Variants in TMPRSS15 observed in about 807,000 individuals in gnomAD.
TMPRSS15 encodes the protein enteropeptidase.
Under a neutral mutation model 125.3 loss-of-function variants are expected in TMPRSS15, and 128 were observed. The observed-to-expected ratio is 1.02, with a 90% CI of 0.89 to 1.18. TMPRSS15 has a LOEUF of 1.18. TMPRSS15 is among the 50% of genes most tolerant of loss of function. TMPRSS15 has a pLI of 0.00. For missense variants in TMPRSS15, 1,283 were observed against 1,212.7 expected, an observed-to-expected ratio of 1.06 and a Z score of -0.86; for synonymous variants, 446 against 423.2, an observed-to-expected ratio of 1.05 and a Z score of -0.66.
rs376135762 is a variant in TMPRSS15 at position 18,370,597 on chromosome 21, CTTAG to C, written c.664+1592_664+1595del. 2.9e-3 allele frequency among the ~76,000 whole-genome samples: 444 copies of C among 152,224 alleles called. 6 individuals carry two copies. Among genetic ancestry groups the C allele is most frequent in the South Asian group, 0.015 (74 of 4,828 alleles). On this transcript the variant is annotated intron_variant, in intron 6 of 24. Coordinates refer to ENST00000284885, the MANE Select transcript of TMPRSS15 (RefSeq NM_002772.3). The stretch of plus-strand genomic sequence containing the variant: ...CATTGCTTTCTTCTTCTTTGAGTAA[CTTAG>C]TTATATAAAATAGATTAAAAATATT...
chr21:18,441,347 C>A (rs527648439), intron 1 of TMPRSS15, among the ~76,000 whole-genome samples: 2 of 151,852 alleles, frequency 1.3e-5, no homozygotes, highest in Non-Finnish European at 2.9e-5. Context: ...TGGCTCACAC[C>A]TGTAATCCCA....
intron 5 of TMPRSS15, among the ~76,000 whole-genome samples, chr21:18,373,563 T>C (rs570742837): frequency 6.6e-6 from 1 of 152,348 alleles, no homozygotes; most frequent in South Asian, 2.1e-4. Flanking sequence ...ACATATTTCA[T>C]AGAATCTCAT....
rs747220581 is a variant in TMPRSS15 at position 18,353,847 on chromosome 21, A to C, written c.897T>G (p.Thr299=). ...AAAAAATTCTTATTGTGCCAGGATT[A>C]GTTTCCCAAATAGAAGCTACAAAAT... ...SKILRASIWE[T]NPGTIRIFSN... is the part of the protein sequence containing the mutation. The change falls in exon 9 of 25, where the codon ACT becomes ACG. Residue 299 remains threonine, a synonymous_variant. Transcript: ENST00000284885. The C allele has an allele frequency of 6.2e-7, 1 of 1,611,186 alleles. No homozygotes were observed. The highest frequency in any genetic ancestry group is 1.1e-5 in the South Asian group (1 of 91,036).
intron 10 of TMPRSS15, among the ~76,000 whole-genome samples, chr21:18,348,268 T>C (rs2075530139): frequency 6.6e-6 from 1 of 152,186 alleles, no homozygotes; most frequent in Admixed American, 6.5e-5. Context: ...ATTAGGTTTT[T>C]CTTAAAACTC....
intron 4 of TMPRSS15, among the ~76,000 whole-genome samples, chr21:18,380,838 A>T (rs2075886702): frequency 6.6e-6 from 1 of 152,274 alleles, no homozygotes; most frequent in East Asian, 1.9e-4. Flanking sequence ...TTTAAGAAAG[A>T]TATCCGTTTA....
intron 13 of TMPRSS15, among the ~76,000 whole-genome samples, chr21:18,337,369 G>A (rs1236902639): frequency 2.6e-5 from 4 of 152,056 alleles, no homozygotes; most frequent in African/African-American, 9.7e-5. Context: ...TAAGCCAGGG[G>A]CCTGAAATGT....
At chr21:18,440,181 T>G (rs1242076107) in intron 1 of TMPRSS15, among the ~76,000 whole-genome samples, 1 of 151,544 alleles carries the variant, frequency 6.6e-6, no homozygotes, top group Non-Finnish European at 1.5e-5. Flanking sequence ...GAGACCATCC[T>G]GGCTAACACG....
At chr21:18,340,861 A>G (rs939325702) in intron 13 of TMPRSS15, among the ~76,000 whole-genome samples, 9 of 152,176 alleles carry the variant, frequency 5.9e-5, no homozygotes, top group African/African-American at 2.2e-4. Flanking sequence ...TTTCAAATAT[A>G]AGAAAGATAC....
intron 5 of TMPRSS15, among the ~76,000 whole-genome samples, chr21:18,375,314 CATT>C (rs1418495850): frequency 1.3e-5 from 2 of 152,140 alleles, no homozygotes; most frequent in African/African-American, 2.4e-5. Context: ...TCAATTAAAA[CATT>C]AGCTGTTATA....
At chr21:18,347,447 G>A (rs1449420324) in intron 10 of TMPRSS15, among the ~76,000 whole-genome samples, 3 of 152,204 alleles carry the variant, frequency 2.0e-5, no homozygotes, top group South Asian at 4.2e-4. Context: ...ATGTTAGCCA[G>A]GCTGCTTTCA....
In TMPRSS15 at chr21:18,281,153, G is replaced by C; in HGVS notation, c.2555C>G (p.Pro852Arg). The stretch of plus-strand genomic sequence containing the variant: ...ATCTATTAATCGAGGGACTGTTTGA[G>C]GAGAGGTCAGATTTGATTTCATATG... Reference protein sequence around the residue: ...GLHMKSNLTSPQTVPRLIDEI... With the variant: ...GLHMKSNLTSRQTVPRLIDEI... The change falls in exon 22 of 25, where the codon CCT becomes CGT. Residue 852 changes from proline to arginine, a missense_variant. Coordinates refer to ENST00000284885, the MANE Select transcript of TMPRSS15 (RefSeq NM_002772.3). 6.2e-7 allele frequency: 1 copy of C among 1,614,032 alleles called. No individual in the cohort carries two copies. Among genetic ancestry groups the C allele is most frequent in the Non-Finnish European group, 8.5e-7 (1 of 1,179,994 alleles).
intron 18 of TMPRSS15, among the ~76,000 whole-genome samples, chr21:18,305,183 CTTTTTTTTTTTTTT>C (rs59103494): frequency 1.2e-5 from 1 of 86,044 alleles, no homozygotes; most frequent in Non-Finnish European, 2.1e-5. Flanking sequence ...AATTTCCGTA[CTTTTTTTTTTTTTT>C]TTTTTTTTTG....
intron 1 of TMPRSS15, among the ~76,000 whole-genome samples, chr21:18,481,471 A>G (rs533426935): frequency 6.6e-6 from 1 of 151,954 alleles, no homozygotes; most frequent in Admixed American, 6.6e-5. Flanking sequence ...AAAACAATTT[A>G]TGTTGCTATG....
intron 2 of TMPRSS15, 64 bp from the exon 3 acceptor site, chr21:18,398,010 T>C (rs1569056396): frequency 1.9e-5 from 25 of 1,287,844 alleles, no homozygotes; most frequent in Non-Finnish European, 2.7e-5. Context: ...TGTTGAAAAA[T>C]TTATACAAAG....
intron 10 of TMPRSS15, among the ~76,000 whole-genome samples, chr21:18,346,080 T>C (rs1032473883): frequency 1.3e-5 from 2 of 152,068 alleles, no homozygotes; most frequent in African/African-American, 4.8e-5. Context: ...TTGCATATTA[T>C]TGAATATAGT....
At chr21:18,463,956 C>T (rs1318412948) in intron 1 of TMPRSS15, among the ~76,000 whole-genome samples, 6 of 151,846 alleles carry the variant, frequency 4.0e-5, no homozygotes, top group African/African-American at 1.5e-4. Flanking sequence ...GGGTGGATCA[C>T]GAGGTCAGGA....
At chr21:18,429,671 T>C (rs960693201) in intron 1 of TMPRSS15, among the ~76,000 whole-genome samples, 8 of 152,214 alleles carry the variant, frequency 5.3e-5, no homozygotes, top group African/African-American at 1.9e-4. Context: ...TCCTCAGCCA[T>C]GTAGAACTGT....
chr21:18,314,163 A>G (rs2075132873), intron 17 of TMPRSS15, among the ~76,000 whole-genome samples: 1 of 152,186 alleles, frequency 6.6e-6, no homozygotes, highest in Non-Finnish European at 1.5e-5. Context: ...AGCAGTGACT[A>G]CAGAATTATA....
At chr21:18,386,874 G>A (rs867462778) in intron 3 of TMPRSS15, among the ~76,000 whole-genome samples, 2 of 152,152 alleles carry the variant, frequency 1.3e-5, no homozygotes, top group Non-Finnish European at 2.9e-5. Flanking sequence ...AAGAGGTAAG[G>A]TATTTTGGGC....
Sources: allele counts gnomAD v4.1 joint callset (sites outside exome capture counted in the v4.1 genomes callset), GRCh38; gene constraint gnomAD v4.1.1; transcripts MANE v1.5; gene names NCBI Gene and HGNC (gene_info 2026-07-23, HGNC 2026-07-21).